The following PAPPA variants were observed in gnomAD, a reference collection of about 807,000 sequenced individuals.
PAPPA encodes the protein pappalysin 1.
In PAPPA, 60 loss-of-function variants were observed where a neutral mutation model predicts 164.0. The observed-to-expected ratio is 0.37, with a 90% confidence interval of 0.30 to 0.45. The LOEUF is 0.45. Ranked by LOEUF, PAPPA falls within the 20% of genes least tolerant of loss-of-function variation. The probability of loss-of-function intolerance (pLI) is 1.00; values close to 1 mark genes in which losing one functional copy is unlikely to be tolerated. For synonymous variants in PAPPA, 875 were observed against 814.1 expected (o/e 1.07, Z -1.27); for missense variants, 1,782 against 2,087.3 (o/e 0.85, Z 2.85).
chr9:116,302,252 A>G (rs1375477373), intron 9 of PAPPA, among the ~76,000 whole-genome samples: 1 of 152,148 alleles, frequency 6.6e-6, no homozygotes, highest in African/African-American at 2.4e-5. Flanking sequence ...CACAAGGTCT[A>G]CCTTCTTTAT....
At chr9:116,269,928 G>A (rs755105986) in intron 8 of PAPPA, among the ~76,000 whole-genome samples, 4 of 152,164 alleles carry the variant, frequency 2.6e-5, no homozygotes, top group African/African-American at 7.2e-5. Flanking sequence ...AGAGGACTTG[G>A]GTGGCTCCTT....
chr9:116,169,223 C>T (rs1213619206), intron 1 of PAPPA, among the ~76,000 whole-genome samples: 1 of 151,248 alleles, frequency 6.6e-6, no homozygotes, highest in Non-Finnish European at 1.5e-5. Context: ...CTCTCTTCCT[C>T]TCTTTCTTTC....
At chr9:116,303,508 C>T (rs1845606628) in intron 10 of PAPPA, among the ~76,000 whole-genome samples, 1 of 152,184 alleles carries the variant, frequency 6.6e-6, no homozygotes, top group Non-Finnish European at 1.5e-5. Context: ...CCCCAAGGGA[C>T]TGACAGCTTA....
chr9:116,234,052 G>T (rs991828421), intron 6 of PAPPA, among the ~76,000 whole-genome samples: 1 of 151,964 alleles, frequency 6.6e-6, no homozygotes, highest in South Asian at 2.1e-4. Flanking sequence ...TTTTTTTTAA[G>T]GTGTCTAGTT....
intron 9 of PAPPA, among the ~76,000 whole-genome samples, chr9:116,274,240 G>C (rs1231217055): frequency 6.6e-6 from 1 of 152,174 alleles, no homozygotes; most frequent in African/African-American, 2.4e-5. Flanking sequence ...ACCCCTGTAT[G>C]TTCAGTGGAA....
chr9:116,195,923 C>A (rs939279894), intron 2 of PAPPA, among the ~76,000 whole-genome samples: 2 of 151,966 alleles, frequency 1.3e-5, no homozygotes, highest in Non-Finnish European at 2.9e-5. Context: ...CTGTATAAAC[C>A]GAATGCTAAT....
chr9:116,207,511 C>T lies in PAPPA; in HGVS notation c.1534C>T (p.His512Tyr). The T allele has an allele frequency of 6.2e-7, 1 of 1,613,160 alleles. No homozygotes were observed. The highest frequency in any genetic ancestry group is 8.5e-7 in the Non-Finnish European group (1 of 1,179,310). Residue 512 changes from histidine to tyrosine, a missense_variant, in exon 3 of 22, where the codon CAT becomes TAT. By Grantham distance (83) the His-to-Tyr change is moderately conservative (BLOSUM62 2). This residue lies in a region of PAPPA where 1,324 missense variants were observed against 1,656.9 expected (regional missense o/e 0.80). Coordinates refer to ENST00000328252, the MANE Select transcript of PAPPA (RefSeq NM_002581.5). ...CATTCTTAAATTGGATGGATCAACACATCTCAATATTTTCTTTGCAAAATC... is the reference window on the plus strand; with the variant it reads ...CATTCTTAAATTGGATGGATCAACATATCTCAATATTTTCTTTGCAAAATC... ...KNILKLDGST[H>Y]LNIFFAKSSE...
At position 116,187,642 on chromosome 9, in the gene PAPPA, G is replaced by A; in HGVS notation, c.904G>A (p.Asp302Asn). The A allele has an allele frequency of 6.2e-7, 1 of 1,614,224 alleles. No homozygotes were observed. Among genetic ancestry groups the A allele is most frequent in the Non-Finnish European group, 8.5e-7 (1 of 1,180,034 alleles). Residue 302 changes from aspartate to asparagine, a missense_variant, in exon 2 of 22, where the codon GAT becomes AAT. By Grantham distance (23) the Asp-to-Asn change is conservative (BLOSUM62 1). Around this residue, in one of 2 missense-constraint regions of PAPPA, gnomAD observed 458 missense variants for 430.3 expected, o/e 1.06. Coordinates refer to ENST00000328252, the MANE Select transcript of PAPPA (RefSeq NM_002581.5). This position sits in a 1 kb window ranked among gnomAD's most constrained non-coding sequence, Gnocchi z 4.2. ...GAAGCATGCCTGGTCCCCCATGAAG[G>A]ATGGCAGCAGCCCCAAAGTGGAATT... ...NVKHAWSPMK[D>N]GSSPKVEFSN...
At chr9:116,173,518 G>C (rs1387838268) in intron 1 of PAPPA, among the ~76,000 whole-genome samples, 1 of 152,172 alleles carries the variant, frequency 6.6e-6, no homozygotes, top group Non-Finnish European at 1.5e-5. Flanking sequence ...CTTTTCTATG[G>C]AAGAAACTTT....
chr9:116,248,673 A>T (rs1844825238), intron 7 of PAPPA, among the ~76,000 whole-genome samples: 1 of 152,166 alleles, frequency 6.6e-6, no homozygotes, highest in Non-Finnish European at 1.5e-5. Flanking sequence ...TTTTAACTTG[A>T]CACTGAGATA....
At position 116,332,791 on chromosome 9, in the gene PAPPA, A is replaced by G. The variant is rs78555636; in HGVS notation, c.3397+323A>G. 1,905 of 211,352 alleles carry G rather than the reference A, an allele frequency of 9.0e-3. 28 individuals are homozygous for G. Among genetic ancestry groups the G allele is most frequent in the African/African-American group, 0.038 (1,666 of 44,356 alleles). 13.1% of individuals were successfully genotyped at this position (211,352 alleles called of 1,614,324 possible). A position where few individuals can be genotyped will look rare whatever the true frequency, so the allele number is the denominator to read the frequency against. ...AGTAAGAGCCATTTCCCCGTTGTAC[A>G]TGTCACCATCTGAGACCCAAAGAGA... On this transcript the variant is annotated intron_variant, in intron 12 of 21. Transcript: ENST00000328252.
chr9:116,356,498 A>C lies in PAPPA; in HGVS notation c.4347+2705A>C, dbSNP rs562254575. Among the ~76,000 whole-genome samples the C allele has an allele frequency of 2.0e-5, 3 of 152,348 alleles. No individual in the cohort carries two copies. The South Asian group carries it at 6.2e-4, about 32-fold the overall frequency. On this transcript the variant is annotated intron_variant, in intron 17 of 21. Coordinates refer to ENST00000328252, the MANE Select transcript of PAPPA (RefSeq NM_002581.5). ...CTCTATGTGAGCTCCTGGAGGGTCT[A>C]GAAACACAACAGATTGCAACCTAGC...
chr9:116,275,087 C>T (rs11794258), intron 9 of PAPPA, among the ~76,000 whole-genome samples: 22,758 of 152,166 alleles, frequency 0.15, 2,031 homozygotes, highest in Admixed American at 0.27. Flanking sequence ...CTTCAGAGCA[C>T]GCAAGCCTGG....
At chr9:116,175,021 C>T (rs1195183462) in intron 1 of PAPPA, among the ~76,000 whole-genome samples, 1 of 152,136 alleles carries the variant, frequency 6.6e-6, no homozygotes. Flanking sequence ...AAAACGGACA[C>T]CTGAGAGAGA....
At chr9:116,384,049 G>A (rs975140185) in intron 21 of PAPPA, among the ~76,000 whole-genome samples, 13 of 151,952 alleles carry the variant, frequency 8.6e-5, no homozygotes, top group East Asian at 3.9e-4. Flanking sequence ...TATTTTTGTC[G>A]TCTGTGTATA....
chr9:116,378,148 T>C (rs1296555101), intron 20 of PAPPA, among the ~76,000 whole-genome samples: 1 of 152,220 alleles, frequency 6.6e-6, no homozygotes, highest in Non-Finnish European at 1.5e-5. Flanking sequence ...AGAAGGAATA[T>C]GAATGCCTTA....
chr9:116,305,418 G>A (rs527454666), intron 10 of PAPPA, among the ~76,000 whole-genome samples: 43 of 150,050 alleles, frequency 2.9e-4, no homozygotes, highest in Admixed American at 2.5e-3. Flanking sequence ...TGTATCATGT[G>A]CTTCTCACTT....
Position 116,352,720 on chromosome 9 carries a change from C to T in PAPPA, c.3979C>T (p.Leu1327=). The change falls in exon 16 of 22, where the codon CTG becomes TTG. Residue 1327 remains leucine (L), a synonymous_variant. Coordinates refer to ENST00000328252, the MANE Select transcript of PAPPA (RefSeq NM_002581.5). Reference sequence around the variant, plus strand: ...ATGTCTTCCAGGCAACAACAGCCTCCTGACCTGCATGGAGGATGGGCTGTG... The same window carrying T: ...ATGTCTTCCAGGCAACAACAGCCTCTTGACCTGCATGGAGGATGGGCTGTG... ...PAQLKGNNSL[L]TCMEDGLWSF... is the part of the protein sequence containing the mutation. The T allele has an allele frequency of 6.2e-7, 1 of 1,612,830 alleles. No homozygotes were observed. The highest frequency in any genetic ancestry group is 8.5e-7 in the Non-Finnish European group (1 of 1,179,982).
In PAPPA at chr9:116,334,993, C is replaced by G. The variant is rs769509149; in HGVS notation, c.3530C>G (p.Ala1177Gly). Residue 1177 changes from alanine to glycine, a missense_variant, in exon 13 of 22, where the codon GCC becomes GGC. Ala to Gly is a moderately conservative substitution (Grantham distance 60). Coordinates refer to ENST00000328252, the MANE Select transcript of PAPPA (RefSeq NM_002581.5). Reference protein sequence around the residue: ...SSPLVAISGVALRSFDNFDPV... With the variant: ...SSPLVAISGVGLRSFDNFDPV... Reference sequence around the variant, plus strand: ...CCCCTGGTCGCCATCTCGGGGGTGGCCCTCCGTTCCTTCGACAACTTTGAC... The same window carrying G: ...CCCCTGGTCGCCATCTCGGGGGTGGGCCTCCGTTCCTTCGACAACTTTGAC... 9.3e-6 allele frequency: 15 copies of G among 1,613,590 alleles called. No homozygotes were observed. The East Asian group carries it at 3.3e-4, about 36-fold the overall frequency.
Sources: gnomAD v4.1 joint callset for allele counts (sites outside exome capture counted in the v4.1 genomes callset) on GRCh38, gnomAD v4.1.1 for gene constraint, gnomAD v4.1.1 regional missense constraint, Gnocchi (gnomAD v3.1) non-coding constraint, MANE v1.5 for transcripts, NCBI Gene and HGNC (gene_info 2026-07-23, HGNC 2026-07-21) for gene names.